The following DOK7 variants were observed in gnomAD, a reference collection of about 807,000 sequenced individuals.
DOK7 encodes protein Dok-7.
In DOK7, 32 loss-of-function variants were observed where a neutral mutation model predicts 30.7. The observed-to-expected ratio is 1.04, with a 90% CI of 0.79 to 1.40. The LOEUF is 1.40. Among genes scored for constraint, DOK7 ranks in the 40% most tolerant of loss-of-function variants. The pLI is 0.00. For missense variants in DOK7, 1,007 were observed against 699.2 expected (o/e 1.44, Z -4.97); for synonymous variants, 447 against 324.1 (o/e 1.38, Z -4.07).
At chr4:3,496,929 T>C (rs1321859050), downstream of DOK7, 6 of 669,630 alleles carry the variant, frequency 9.0e-6, no homozygotes, top group African/African-American at 1.2e-4. Context: ...TGGGCGCAGA[T>C]GGCAGCCAGA....
intron 3 of DOK7, among the ~76,000 whole-genome samples, chr4:3,475,942 G>A (rs938338356): frequency 1.3e-5 from 2 of 152,210 alleles, no homozygotes; most frequent in South Asian, 4.1e-4. Flanking sequence ...GGCAAGGAGA[G>A]AAGTGCAGCC....
rs548157926 is a variant in DOK7, at chr4:3,476,221, G to A, written c.332-121G>A. On this transcript the variant is annotated intron_variant, in intron 3 of 6. Coordinates refer to ENST00000340083, the MANE Select transcript of DOK7 (RefSeq NM_173660.5). Reference sequence around the variant, plus strand: ...CCTCACCCGCCCATGATGCCCTCTCGCCCCGCCTGCCCGTGATGCCCTCTC... The same window carrying A: ...CCTCACCCGCCCATGATGCCCTCTCACCCCGCCTGCCCGTGATGCCCTCTC... 4,262 of 332,682 alleles carry A rather than the reference G, an allele frequency of 0.013. 262 individuals are homozygous for A. The highest frequency in any genetic ancestry group is 0.11 in the African/African-American group (2,397 of 21,810). 20.6% of individuals were successfully genotyped at this position (332,682 alleles called of 1,614,324 possible). A position where few individuals can be genotyped will look rare whatever the true frequency, so the allele number is the denominator to read the frequency against.
At chr4:3,501,056 C>A in exon 8 of DOK7, 2 of 638,722 alleles carry the variant, frequency 3.1e-6, no homozygotes, top group South Asian at 2.3e-5. Flanking sequence ...GAAAGAGTTG[C>A]TCTGGACCCC....
At chr4:3,494,549 G>T (rs903046993), downstream of DOK7, 9 of 983,890 alleles carry the variant, frequency 9.1e-6, no homozygotes, top group Non-Finnish European at 1.1e-5. Flanking sequence ...TGGGGCCTCT[G>T]CCTGGATGCG....
At chr4:3,467,124 G>A (rs1726330953) in intron 2 of DOK7, among the ~76,000 whole-genome samples, 1 of 152,038 alleles carries the variant, frequency 6.6e-6, no homozygotes, top group Non-Finnish European at 1.5e-5. Context: ...AGGTCACTGT[G>A]ACCTCCAAAG....
intron 5 of DOK7, 86 bp from the exon 6 acceptor site, chr4:3,489,591 C>G (rs1239826651): frequency 1.3e-6 from 2 of 1,546,444 alleles, no homozygotes; most frequent in African/African-American, 2.7e-5. Flanking sequence ...AGGGGGATAA[C>G]CACTGAGTCA....
intron 5 of DOK7, among the ~76,000 whole-genome samples, chr4:3,489,381 A>T (rs986425204): frequency 1.3e-5 from 2 of 151,950 alleles, no homozygotes; most frequent in South Asian, 4.2e-4. Flanking sequence ...CTCGGTGGTG[A>T]GGAAGATGAG....
downstream of DOK7, among the ~76,000 whole-genome samples, chr4:3,498,126 G>A (rs1382846881): frequency 1.3e-5 from 2 of 152,172 alleles, no homozygotes; most frequent in Non-Finnish European, 2.9e-5. Context: ...CCAGCCCAGG[G>A]CGGGGTCTGG....
chr4:3,463,336 G>GCGC lies in DOK7; in HGVS notation c.-37_-35dup. On this transcript the variant is annotated 5_prime_UTR_variant, in exon 1 of 7. Transcript: ENST00000340083. ...ATTTTGAAAGTGACCCTGGGCTGGG[G>GCGC]CGCCGGGGCGAGCGCGGCGGCGCGG... 4 of 1,435,848 alleles carry GCGC rather than the reference G, an allele frequency of 2.8e-6. No individual in the cohort carries two copies. The highest frequency in any genetic ancestry group is 3.6e-6 in the Non-Finnish European group (4 of 1,106,288). 88.9% of individuals were successfully genotyped at this position (1,435,848 alleles called of 1,614,324 possible).
At position 3,494,202 on chromosome 4, in the gene DOK7, T is replaced by C. The variant is rs531918352; in HGVS notation, c.*701T>C. 53 of 985,410 alleles carry C rather than the reference T, an allele frequency of 5.4e-5. No homozygotes were observed. The highest frequency in any genetic ancestry group is 5.8e-5 in the Non-Finnish European group (48 of 830,006). 61.0% of individuals were successfully genotyped at this position (985,410 alleles called of 1,614,324 possible). A position where few individuals can be genotyped will look rare whatever the true frequency, so the allele number is the denominator to read the frequency against. ...GGAGAGGCGCCGTGCCTCGGGCCCCTGGTGGGAGCTCTGCTGGCTCCTGTC... is the reference window on the plus strand; with the variant it reads ...GGAGAGGCGCCGTGCCTCGGGCCCCCGGTGGGAGCTCTGCTGGCTCCTGTC... On this transcript the variant is annotated 3_prime_UTR_variant, in exon 7 of 7. Coordinates refer to ENST00000340083, the MANE Select transcript of DOK7 (RefSeq NM_173660.5).
chr4:3,494,287 AG>A lies in DOK7; in HGVS notation c.*787del. On this transcript the variant is annotated 3_prime_UTR_variant, in exon 7 of 7. Coordinates refer to ENST00000340083, the MANE Select transcript of DOK7 (RefSeq NM_173660.5). ...CTGTGTTTCCCCTGGCCCAGGCCTC[AG>A]CCCCTGCGTCGGAGGTGGGGCTGTG... 1 of 985,594 alleles carries A rather than the reference AG, an allele frequency of 1.0e-6. No individual in the cohort carries two copies. Among genetic ancestry groups the A allele is most frequent in the Non-Finnish European group, 1.2e-6 (1 of 830,066 alleles). 61.1% of individuals were successfully genotyped at this position (985,594 alleles called of 1,614,324 possible).
downstream of DOK7, among the ~76,000 whole-genome samples, chr4:3,494,871 T>C (rs1728816082): frequency 6.6e-6 from 1 of 152,118 alleles, no homozygotes; most frequent in Non-Finnish European, 1.5e-5. Flanking sequence ...GGGGCCGAGT[T>C]CCAGGCTTGT....
At chr4:3,480,172 A>G (rs1006372520) in intron 4 of DOK7, among the ~76,000 whole-genome samples, 6 of 152,148 alleles carry the variant, frequency 3.9e-5, no homozygotes, top group Non-Finnish European at 7.4e-5. Flanking sequence ...TTGAGGGTGA[A>G]TGGAAGCTTT....
At chr4:3,490,175 C>CT (rs1560225950) in intron 6 of DOK7, among the ~76,000 whole-genome samples, 1 of 83,064 alleles carries the variant, frequency 1.2e-5, no homozygotes, top group Non-Finnish European at 2.3e-5. Flanking sequence ...TCATTTCTTC[C>CT]TCCGCCCCCC....
rs761025086 is a variant in DOK7 at position 3,500,645 on chromosome 4, T to C, written c.1262-47T>C. The C allele has an allele frequency of 3.9e-6, 6 of 1,535,464 alleles. No individual in the cohort carries two copies. In the South Asian group the frequency reaches 7.1e-5, roughly 18 times the overall value. ...GGTGTGGAGGGCAGGGTCACAGGGC[T>C]GGGTGGCTCGGGGCGCAGGCTGCCG... On this transcript the variant is annotated intron_variant, in intron 7 of 7. Coordinates refer to the DOK7 transcript ENST00000643608.
chr4:3,477,139 G>A (rs1386448278), intron 4 of DOK7, among the ~76,000 whole-genome samples: 1 of 149,878 alleles, frequency 6.7e-6, no homozygotes, highest in Non-Finnish European at 1.5e-5. Flanking sequence ...GAGAGTCTGA[G>A]GTGCCCGCCG....
chr4:3,493,588 GGTGCTCTGT>G lies in DOK7; in HGVS notation c.*90_*98del. 6.4e-7 allele frequency: 1 copy of G among 1,550,912 alleles called. No individual in the cohort carries two copies. Among genetic ancestry groups the G allele is most frequent in the Non-Finnish European group, 8.7e-7 (1 of 1,147,688 alleles). ...AGTGGCGCCAGCCTCCTTGCAGACT[GGTGCTCTGT>G]GTTCTGTGGGAGGGACCGGGGGTCT... On this transcript the variant is annotated 3_prime_UTR_variant, in exon 7 of 7. Coordinates refer to ENST00000340083, the MANE Select transcript of DOK7 (RefSeq NM_173660.5).
chr4:3,488,474 T>G (rs1727955748), intron 5 of DOK7, among the ~76,000 whole-genome samples: 1 of 152,188 alleles, frequency 6.6e-6, no homozygotes, highest in African/African-American at 2.4e-5. Context: ...TTTCTCTGTT[T>G]GTTTCTCCGG....
intron 2 of DOK7, 123 bp from the exon 3 acceptor site, chr4:3,473,283 G>A: frequency 5.6e-6 from 5 of 888,700 alleles, no homozygotes; most frequent in Non-Finnish European, 8.8e-6. Context: ...TGGCATGGCT[G>A]AGTGGCTGGC....
Sources: allele counts gnomAD v4.1 joint callset (sites outside exome capture counted in the v4.1 genomes callset), GRCh38; gene constraint gnomAD v4.1.1; transcripts MANE v1.5; gene names NCBI Gene and HGNC (gene_info 2026-07-23, HGNC 2026-07-21).